OSBPL10: variants seen among roughly 807,000 people sequenced by gnomAD.
The protein encoded by OSBPL10 is oxysterol binding protein like 10.
In OSBPL10, 49 loss-of-function variants were observed where a neutral mutation model predicts 81.7. The observed-to-expected ratio is 0.60, with a 90% confidence interval of 0.48 to 0.76. The LOEUF is 0.76. Among genes scored for constraint, OSBPL10 ranks in the 30% least tolerant of loss-of-function variants. The probability of loss-of-function intolerance (pLI) is 0.00; values close to 1 mark genes in which losing one functional copy is unlikely to be tolerated. For missense variants in OSBPL10, 923 were observed against 987.8 expected (o/e 0.93, Z 0.88); for synonymous variants, 419 against 383.6 (o/e 1.09, Z -1.08).
Position 31,885,391 on chromosome 3 carries a change from G to A in OSBPL10, c.282-5561C>T, listed in dbSNP as rs140768858. ...ACCACCCATGCACTCACCCTTGAAG[G>A]TGCATTTGCATATTCACACTCACCT... On this transcript the variant is annotated intron_variant, in intron 1 of 11. Transcript: ENST00000396556. Among the ~76,000 whole-genome samples, 387 of 152,184 alleles carry A rather than the reference G, an allele frequency of 2.5e-3. 2 individuals carry two copies. Among genetic ancestry groups the A allele is most frequent in the Non-Finnish European group, 3.9e-3 (268 of 68,010 alleles).
chr3:31,863,760 A>AT (rs1281622091), intron 3 of OSBPL10, among the ~76,000 whole-genome samples: 4 of 152,180 alleles, frequency 2.6e-5, no homozygotes, highest in Non-Finnish European at 5.9e-5. Context: ...CTCATGACTG[A>AT]TTTTCAGCTA....
intron 6 of OSBPL10, chr3:31,705,013 A>G (rs1352797427): frequency 6.6e-6 from 1 of 152,252 alleles, no homozygotes; most frequent in Non-Finnish European, 1.5e-5. Flanking sequence ...TGGCTCCAGC[A>G]GAGGAAATTA....
At chr3:31,697,290 T>C (rs1695751935) in intron 7 of OSBPL10, among the ~76,000 whole-genome samples, 1 of 152,118 alleles carries the variant, frequency 6.6e-6, no homozygotes, top group Non-Finnish European at 1.5e-5. Context: ...AGCCCAGCTG[T>C]TCCAGCCAAG....
chr3:32,000,399 T>C (rs937291474), intron 2 of OSBPL10, among the ~76,000 whole-genome samples: 2 of 152,200 alleles, frequency 1.3e-5, no homozygotes, highest in African/African-American at 4.8e-5. Context: ...TTCATAGCTA[T>C]ATGACCTCTC....
At chr3:32,043,216 G>A (rs1699592902) in intron 2 of OSBPL10, among the ~76,000 whole-genome samples, 1 of 152,082 alleles carries the variant, frequency 6.6e-6, no homozygotes, top group African/African-American at 2.4e-5. Flanking sequence ...TCCTTGCTAG[G>A]AAAAGAATTT....
intron 1 of OSBPL10, among the ~76,000 whole-genome samples, chr3:31,966,182 T>C (rs1471859824): frequency 7.0e-6 from 1 of 142,464 alleles, no homozygotes; most frequent in East Asian, 2.3e-4. Flanking sequence ...TGTGTGTGTG[T>C]GTGTGTGTGT....
intron 2 of OSBPL10, among the ~76,000 whole-genome samples, chr3:31,993,845 T>C (rs1559545647): frequency 6.6e-6 from 1 of 152,178 alleles, no homozygotes; most frequent in Non-Finnish European, 1.5e-5. Flanking sequence ...CAATATGATC[T>C]AGTTATTCCA....
chr3:32,047,549 C>T (rs907433224), intron 1 of OSBPL10, among the ~76,000 whole-genome samples: 2 of 152,068 alleles, frequency 1.3e-5, no homozygotes, highest in African/African-American at 2.4e-5. Flanking sequence ...TTTTAACATG[C>T]TATTACATTA....
At chr3:31,809,923 A>G (rs932159444) in intron 4 of OSBPL10, among the ~76,000 whole-genome samples, 10 of 132,464 alleles carry the variant, frequency 7.5e-5, no homozygotes, top group South Asian at 2.4e-4. Flanking sequence ...CCAGGCTGGA[A>G]TGCAATGGAG....
chr3:31,809,522 G>T (rs9825992), intron 4 of OSBPL10, among the ~76,000 whole-genome samples: 5,847 of 152,204 alleles, frequency 0.038, 332 homozygotes, highest in African/African-American at 0.13. Context: ...AATGCACTCC[G>T]AATAAAAGTG....
At chr3:32,033,779 C>A (rs1699495620) in intron 2 of OSBPL10, among the ~76,000 whole-genome samples, 1 of 152,142 alleles carries the variant, frequency 6.6e-6, no homozygotes, top group African/African-American at 2.4e-5. Flanking sequence ...GAATTTCTAT[C>A]AGGCCAGGTG....
At chr3:31,752,834 C>T (rs1441058624) in intron 4 of OSBPL10, among the ~76,000 whole-genome samples, 1 of 152,172 alleles carries the variant, frequency 6.6e-6, no homozygotes, top group African/African-American at 2.4e-5. Context: ...CAGGTGTCAA[C>T]AAATTTGACA....
intron 3 of OSBPL10, among the ~76,000 whole-genome samples, chr3:31,850,277 T>C (rs1700731554): frequency 6.6e-6 from 1 of 152,046 alleles, no homozygotes; most frequent in African/African-American, 2.4e-5. Flanking sequence ...GAGGCTGCAG[T>C]GAGCTACGAT....
intron 6 of OSBPL10, among the ~76,000 whole-genome samples, chr3:31,705,485 T>C (rs115833890): frequency 0.023 from 3,415 of 150,736 alleles, 144 homozygotes; most frequent in African/African-American, 0.077. Flanking sequence ...TAAATACCAA[T>C]CTACTGGCAA....
intron 3 of OSBPL10, among the ~76,000 whole-genome samples, chr3:31,858,165 T>C (rs1428805526): frequency 6.6e-6 from 1 of 151,822 alleles, no homozygotes; most frequent in Non-Finnish European, 1.5e-5. Flanking sequence ...CACACCAGGC[T>C]AATTTTTTTA....
intron 2 of OSBPL10, among the ~76,000 whole-genome samples, chr3:32,011,606 G>C (rs1181428767): frequency 1.3e-5 from 2 of 152,228 alleles, no homozygotes; most frequent in Non-Finnish European, 2.9e-5. Flanking sequence ...ACTTTGACAA[G>C]TTGAGAGAAG....
At chr3:31,942,257 A>G (rs547597366) in intron 1 of OSBPL10, among the ~76,000 whole-genome samples, 2 of 151,882 alleles carry the variant, frequency 1.3e-5, no homozygotes, top group South Asian at 4.2e-4. Flanking sequence ...TGTATGGCTC[A>G]ATATAAAAAG....
At chr3:31,962,192 G>A (rs980196649) in intron 1 of OSBPL10, among the ~76,000 whole-genome samples, 16 of 152,132 alleles carry the variant, frequency 1.1e-4, no homozygotes, top group East Asian at 3.9e-4. Flanking sequence ...CCTGACCTCA[G>A]GTGATCTGCC....
At chr3:31,870,805 A>T (rs1271988146) in intron 3 of OSBPL10, among the ~76,000 whole-genome samples, 1 of 151,456 alleles carries the variant, frequency 6.6e-6, no homozygotes, top group Admixed American at 6.6e-5. Context: ...ACCAATCAGC[A>T]CTCTGTATCT....
Sources: gnomAD v4.1 joint callset for allele counts (sites outside exome capture counted in the v4.1 genomes callset) on GRCh38, gnomAD v4.1.1 for gene constraint, MANE v1.5 for transcripts, NCBI Gene and HGNC (gene_info 2026-07-23, HGNC 2026-07-21) for gene names.